Variants in PAX5 observed in about 807,000 individuals in gnomAD.
PAX5 encodes the protein paired box protein Pax-5.
In PAX5, 9 loss-of-function variants were observed where a neutral mutation model predicts 43.7. The ratio of observed to expected loss-of-function variants is 0.21; its 90% CI spans 0.12 to 0.36. The LOEUF (loss-of-function observed/expected upper bound fraction) is 0.36, where lower values mean the gene tolerates loss of function less well. PAX5 is among the 10% of genes least tolerant of loss of function. The pLI is 1.00. For synonymous variants in PAX5, 228 were observed against 214.3 expected (o/e 1.06, Z -0.56); for missense variants, 383 against 532.7 (o/e 0.72, Z 2.77).
intron 6 of PAX5, among the ~76,000 whole-genome samples, chr9:36,958,852 C>T (rs924206125): frequency 2.0e-5 from 3 of 152,232 alleles, no homozygotes; most frequent in African/African-American, 7.2e-5. Context: ...GCCTACTCCT[C>T]CCCCATGGGA....
At chr9:36,979,413 T>G (rs894615369) in intron 5 of PAX5, among the ~76,000 whole-genome samples, 1 of 152,344 alleles carries the variant, frequency 6.6e-6, no homozygotes, top group East Asian at 1.9e-4. Flanking sequence ...TTGGGCTCTG[T>G]ACCTTATAGG....
At chr9:36,951,394 T>G (rs1832995836) in intron 6 of PAX5, among the ~76,000 whole-genome samples, 1 of 152,218 alleles carries the variant, frequency 6.6e-6, no homozygotes, top group African/African-American at 2.4e-5. Context: ...ATTTAGAGAC[T>G]CTGTTGCCAA....
At chr9:37,000,681 C>T (rs1837768588) in intron 5 of PAX5, among the ~76,000 whole-genome samples, 1 of 152,194 alleles carries the variant, frequency 6.6e-6, no homozygotes, top group South Asian at 2.1e-4. Flanking sequence ...CAACAAGTGG[C>T]CACTTAGTCT....
At chr9:36,923,306 A>G (rs865855179) in intron 7 of PAX5, 49 bp downstream of exon 7, 2 of 1,558,978 alleles carry the variant, frequency 1.3e-6, no homozygotes. Context: ...ACACACTCCT[A>G]TCTCTCTCTC....
chr9:37,002,061 C>G (rs1042860895), intron 5 of PAX5, among the ~76,000 whole-genome samples: 5 of 152,022 alleles, frequency 3.3e-5, no homozygotes, highest in African/African-American at 1.2e-4. Context: ...GTAATCCCCC[C>G]CAACACCCCC....
intron 2 of PAX5, among the ~76,000 whole-genome samples, chr9:37,018,381 GC>G (rs1003036896): frequency 2.6e-5 from 4 of 151,888 alleles, no homozygotes; most frequent in African/African-American, 9.7e-5. Context: ...CCCCTCCGAA[GC>G]CTTGAGCTCT....
intron 7 of PAX5, among the ~76,000 whole-genome samples, chr9:36,908,198 CA>C (rs35684707): frequency 2.5e-3 from 281 of 113,014 alleles, no homozygotes; most frequent in Middle Eastern, 4.9e-3. Flanking sequence ...GACCCTGTTT[CA>C]AAAAAAAAAA....
At chr9:37,000,795 G>A (rs1233595208) in intron 5 of PAX5, among the ~76,000 whole-genome samples, 1 of 152,130 alleles carries the variant, frequency 6.6e-6, no homozygotes, top group Non-Finnish European at 1.5e-5. Context: ...TTAAACTGAG[G>A]TGAAATCACC....
rs1385753222 is a variant in PAX5, at chr9:36,833,302, G to A, written c.*7258C>T. 4.3e-6 allele frequency: 1 copy of A among 232,018 alleles called. No individual in the cohort carries two copies. Among genetic ancestry groups the A allele is most frequent in the African/African-American group, 2.2e-5 (1 of 45,212 alleles). 14.4% of individuals were successfully genotyped at this position (232,018 alleles called of 1,614,324 possible). On this transcript the variant is annotated 3_prime_UTR_variant, in exon 10 of 10. Transcript: ENST00000358127. ...AACTTAAAAAATTACTTTTATTTTA[G>A]GAACCAATAAAATTATGGCAAATAT... is the stretch of plus-strand genomic sequence containing the variant.
rs188185917 is a variant in PAX5, at chr9:36,883,173, T to C, written c.911-1068A>G. 1.6e-3 allele frequency among the ~76,000 whole-genome samples: 242 copies of C among 152,290 alleles called. 1 individual carries two copies. The highest frequency in any genetic ancestry group is 5.7e-3 in the African/African-American group (237 of 41,560). Reference sequence around the variant, plus strand: ...ACTGACAGTCTGCCCCCCTGCCCCCTGGGAGTGGATCCTTTCTTCAACGGT... The same window carrying C: ...ACTGACAGTCTGCCCCCCTGCCCCCCGGGAGTGGATCCTTTCTTCAACGGT... On this transcript the variant is annotated intron_variant, in intron 7 of 9. Coordinates refer to ENST00000358127, the MANE Select transcript of PAX5 (RefSeq NM_016734.3).
At chr9:37,005,248 T>C (rs1175439897) in intron 4 of PAX5, among the ~76,000 whole-genome samples, 3 of 152,242 alleles carry the variant, frequency 2.0e-5, no homozygotes, top group African/African-American at 7.2e-5. Flanking sequence ...TTCATCTCTG[T>C]CTTGCAAACT....
chr9:36,984,603 G>T (rs1329697645), intron 5 of PAX5, among the ~76,000 whole-genome samples: 1 of 151,770 alleles, frequency 6.6e-6, no homozygotes, highest in Admixed American at 6.6e-5. Flanking sequence ...ACCACGCCAG[G>T]CTAATTTTTT....
At chr9:36,845,642 C>T (rs1013530754) in intron 9 of PAX5, among the ~76,000 whole-genome samples, 6 of 152,176 alleles carry the variant, frequency 3.9e-5, no homozygotes, top group African/African-American at 1.4e-4. Flanking sequence ...ATCCTTTGGA[C>T]AGCCCAAGGT....
rs201678330 is a variant in PAX5, at chr9:37,015,583, CTTT to C, written c.213-392_213-390del. Among the ~76,000 whole-genome samples, 1 of 141,232 alleles carries C rather than the reference CTTT, an allele frequency of 7.1e-6. No homozygotes were observed. The allele number at this position is 141,232 out of a possible 152,430, so 92.7% of individuals were successfully genotyped here. A position where few individuals can be genotyped will look rare whatever the true frequency, so the allele number is the denominator to read the frequency against. The stretch of plus-strand genomic sequence containing the variant: ...TGCATACACAGCTCTCATAGTATTT[CTTT>C]TTTTTTTTTTCAGACGGAGTTTCGC... On this transcript the variant is annotated intron_variant, in intron 2 of 9. Transcript: ENST00000358127. This position sits in a 1 kb window ranked among gnomAD's most constrained non-coding sequence, Gnocchi z 4.4.
chr9:36,950,735 CTTTTTT>C (rs55801947), intron 6 of PAX5, among the ~76,000 whole-genome samples: 1 of 116,680 alleles, frequency 8.6e-6, no homozygotes, highest in Non-Finnish European at 1.9e-5. Flanking sequence ...ACTGAGTTTT[CTTTTTT>C]TTTTTTTTTT....
intron 6 of PAX5, among the ~76,000 whole-genome samples, chr9:36,933,538 CG>C (rs1163722119): frequency 6.6e-6 from 1 of 152,186 alleles, no homozygotes; most frequent in Non-Finnish European, 1.5e-5. Context: ...CTGCCCACCC[CG>C]TGTGCAGCAC....
At chr9:36,896,131 C>T (rs1227174387) in intron 7 of PAX5, among the ~76,000 whole-genome samples, 1 of 152,018 alleles carries the variant, frequency 6.6e-6, no homozygotes, top group East Asian at 1.9e-4. Context: ...GCTTCTCTGC[C>T]CTTTGTCCAG....
At chr9:36,925,814 A>T (rs2131983784) in intron 6 of PAX5, among the ~76,000 whole-genome samples, 1 of 152,266 alleles carries the variant, frequency 6.6e-6, no homozygotes, top group East Asian at 1.9e-4. Flanking sequence ...CTGTGGGGTT[A>T]GTGGTGGGAC....
rs932514062 is a variant in PAX5, at chr9:36,973,155, G to A, written c.605-6431C>T. ...GAAAGAAAAGGAAAGGAAAGGAAAG[G>A]AAAGGAAAGGAAAGGAAAGGAAAGG... is the stretch of plus-strand genomic sequence containing the variant. On this transcript the variant is annotated intron_variant, in intron 5 of 9. Coordinates refer to ENST00000358127, the MANE Select transcript of PAX5 (RefSeq NM_016734.3). 3.8e-5 allele frequency among the ~76,000 whole-genome samples: 3 copies of A among 78,882 alleles called. 1 individual carries two copies. Among genetic ancestry groups the A allele is most frequent in the South Asian group, 4.7e-4 (1 of 2,126 alleles). 51.7% of individuals were successfully genotyped at this position (78,882 alleles called of 152,430 possible).
Sources: gnomAD v4.1 joint callset for allele counts (sites outside exome capture counted in the v4.1 genomes callset) on GRCh38, gnomAD v4.1.1 for gene constraint, Gnocchi (gnomAD v3.1) non-coding constraint, MANE v1.5 for transcripts, NCBI Gene and HGNC (gene_info 2026-07-23, HGNC 2026-07-21) for gene names.